GLIS3: variants seen among roughly 807,000 people sequenced by gnomAD.
GLIS3 encodes GLIS family zinc finger 3, also known as zinc finger protein GLIS3.
A neutral mutation model predicts 78.6 loss-of-function variants in GLIS3; 53 were observed. The ratio of observed to expected loss-of-function variants is 0.67; its 90% CI spans 0.54 to 0.85. The LOEUF is 0.85. Among genes scored for constraint, GLIS3 ranks in the 40% least tolerant of loss-of-function variants. The probability of loss-of-function intolerance (pLI) is 0.00; values close to 1 mark genes in which losing one functional copy is unlikely to be tolerated. For missense variants in GLIS3, 1,703 were observed against 1,231.1 expected (o/e 1.38, Z -5.74); for synonymous variants, 684 against 509.9 (o/e 1.34, Z -4.60).
chr9:4,026,091 A>C (rs1222230787), intron 4 of GLIS3, among the ~76,000 whole-genome samples: 1 of 152,210 alleles, frequency 6.6e-6, no homozygotes, highest in Non-Finnish European at 1.5e-5. Context: ...ATAAATAGTA[A>C]AAAACCTGAG....
At chr9:3,904,226 A>C (rs1288022110) in intron 6 of GLIS3, among the ~76,000 whole-genome samples, 1 of 152,220 alleles carries the variant, frequency 6.6e-6, no homozygotes, top group African/African-American at 2.4e-5. Context: ...GATGGGCTTA[A>C]CATCTACAGT....
intron 2 of GLIS3, among the ~76,000 whole-genome samples, chr9:4,221,721 A>T (rs1587026758): frequency 6.6e-6 from 1 of 152,260 alleles, no homozygotes; most frequent in Non-Finnish European, 1.5e-5. Context: ...ACATATGGAA[A>T]CACATTACAA....
chr9:4,315,677 G>A lies in GLIS3; in HGVS notation n.265-5149C>T, dbSNP rs191149453. Among the ~76,000 whole-genome samples, 8 of 152,200 alleles carry A rather than the reference G, an allele frequency of 5.3e-5. No homozygotes were observed. The East Asian group carries it at 1.5e-3, about 29-fold the overall frequency. On this transcript the variant is annotated intron_variant and non_coding_transcript_variant, in intron 2 of 4. Coordinates refer to the GLIS3 transcript ENST00000471664. ...ATGAACTTTCCTGCAAAACACAGTG[G>A]GGACTGGAGACAACCTCCCTGGGTC...
intron 6 of GLIS3, among the ~76,000 whole-genome samples, chr9:3,925,467 G>C (rs1034420546): frequency 1.3e-5 from 2 of 152,186 alleles, no homozygotes; most frequent in African/African-American, 4.8e-5. Context: ...TTCCTGGCCA[G>C]AGCTGGTGTC....
intron 2 of GLIS3, among the ~76,000 whole-genome samples, chr9:4,328,144 T>C (rs915912302): frequency 1.3e-5 from 2 of 152,154 alleles, no homozygotes; most frequent in Non-Finnish European, 2.9e-5. Context: ...ACCCCGGGGA[T>C]CCAGTGCCAG....
At chr9:4,073,825 C>T (rs967998389) in intron 4 of GLIS3, among the ~76,000 whole-genome samples, 9 of 152,074 alleles carry the variant, frequency 5.9e-5, no homozygotes, top group Non-Finnish European at 8.8e-5. Flanking sequence ...AGTAAAATTA[C>T]GCATGAAAGT....
At chr9:4,100,228 C>G (rs1270240275) in intron 4 of GLIS3, among the ~76,000 whole-genome samples, 1 of 152,172 alleles carries the variant, frequency 6.6e-6, no homozygotes, top group Non-Finnish European at 1.5e-5. Flanking sequence ...GAAGTCATTT[C>G]CCTTCCACCA....
intron 4 of GLIS3, among the ~76,000 whole-genome samples, chr9:4,057,781 G>T (rs1826269258): frequency 6.6e-6 from 1 of 151,512 alleles, no homozygotes. Flanking sequence ...GCAAAGACAT[G>T]ATAATACTTT....
intron 2 of GLIS3, among the ~76,000 whole-genome samples, chr9:4,192,502 T>C (rs1818416652): frequency 6.6e-6 from 1 of 152,254 alleles, no homozygotes; most frequent in African/African-American, 2.4e-5. Flanking sequence ...CACATTCCTA[T>C]GTTAAGAACT....
At chr9:4,161,250 G>A (rs1204135248) in intron 2 of GLIS3, among the ~76,000 whole-genome samples, 1 of 152,032 alleles carries the variant, frequency 6.6e-6, no homozygotes, top group Non-Finnish European at 1.5e-5. Context: ...TCCAGCCTGG[G>A]AGACAAAGCG....
intron 2 of GLIS3, among the ~76,000 whole-genome samples, chr9:4,253,419 C>T (rs1199919016): frequency 6.6e-6 from 1 of 152,202 alleles, no homozygotes; most frequent in African/African-American, 2.4e-5. Context: ...AGGGGAAAAC[C>T]ACCTACTCAA....
the GLIS3 span, among the ~76,000 whole-genome samples, chr9:4,469,683 G>A: frequency 2.6e-5 from 4 of 152,154 alleles, no homozygotes; most frequent in African/African-American, 9.7e-5. Context: ...AGAGAAAGCA[G>A]GAAAGATCTA....
intron 2 of GLIS3, among the ~76,000 whole-genome samples, chr9:4,216,732 G>A (rs371945941): frequency 1.4e-4 from 21 of 152,156 alleles, no homozygotes; most frequent in Non-Finnish European, 2.1e-4. Context: ...TTCAGGTTTC[G>A]AAACTCCCAA....
chr9:3,882,204 A>C (rs1034854103), intron 7 of GLIS3, among the ~76,000 whole-genome samples: 1 of 145,116 alleles, frequency 6.9e-6, no homozygotes, highest in Non-Finnish European at 1.5e-5. Flanking sequence ...TGAGTAAACA[A>C]AGATGAACAA....
intron 4 of GLIS3, among the ~76,000 whole-genome samples, chr9:4,004,568 A>C (rs1821391300): frequency 6.6e-6 from 1 of 152,180 alleles, no homozygotes; most frequent in South Asian, 2.1e-4. Flanking sequence ...TCTACAAGAA[A>C]AAAGAAAAGG....
chr9:4,128,673 G>T (rs990949471), intron 2 of GLIS3, among the ~76,000 whole-genome samples: 5 of 152,134 alleles, frequency 3.3e-5, no homozygotes. Flanking sequence ...AGATCTGAAT[G>T]GAATATGAAG....
the GLIS3 span, among the ~76,000 whole-genome samples, chr9:4,353,713 G>A: frequency 1.2e-4 from 19 of 152,292 alleles, no homozygotes; most frequent in African/African-American, 4.6e-4. Context: ...CCACACAGCA[G>A]AATAGTCCTC....
chr9:4,008,835 T>C (rs1428290847), intron 4 of GLIS3, among the ~76,000 whole-genome samples: 1 of 152,114 alleles, frequency 6.6e-6, no homozygotes, highest in East Asian at 1.9e-4. Context: ...CCACCTTTTA[T>C]AGGTGAGGAA....
intron 6 of GLIS3, among the ~76,000 whole-genome samples, chr9:3,904,975 T>A (rs1057205965): frequency 2.1e-5 from 3 of 145,538 alleles, no homozygotes; most frequent in African/African-American, 7.8e-5. Context: ...CTCTTATGAC[T>A]CTTTTTTTTT....
Sources: gnomAD v4.1 joint callset for allele counts (sites outside exome capture counted in the v4.1 genomes callset) on GRCh38, gnomAD v4.1.1 for gene constraint, MANE v1.5 for transcripts, NCBI Gene and HGNC (gene_info 2026-07-23, HGNC 2026-07-21) for gene names.